The following HTR1F variants were observed in gnomAD, a reference collection of about 807,000 sequenced individuals.
The protein encoded by HTR1F is 5-hydroxytryptamine receptor 1F.
In HTR1F, 17 loss-of-function variants were observed where a neutral mutation model predicts 24.0. That is an observed-to-expected ratio of 0.71 (90% CI 0.48 to 1.06). The LOEUF is 1.06. Among genes scored for constraint, HTR1F ranks in the 50% least tolerant of loss-of-function variants. The pLI, the probability that HTR1F is intolerant of heterozygous loss-of-function variation, is 0.00. For missense variants in HTR1F, 391 were observed against 427.8 expected (o/e 0.91, Z 0.76); for synonymous variants, 186 against 156.8 (o/e 1.19, Z -1.39).
chr3:87,897,367 T>C (rs1301790203), intron 2 of HTR1F, among the ~76,000 whole-genome samples: 2 of 151,716 alleles, frequency 1.3e-5, no homozygotes, highest in East Asian at 1.9e-4. Context: ...TATTGCATGA[T>C]CTCATTTATA....
chr3:87,852,445 G>A (rs1705107147), intron 2 of HTR1F, among the ~76,000 whole-genome samples: 1 of 151,658 alleles, frequency 6.6e-6, no homozygotes, highest in Admixed American at 6.6e-5. Flanking sequence ...ATAATATGAA[G>A]TAGAGGTTCA....
At chr3:87,937,295 G>C (rs1704448525) in intron 2 of HTR1F, among the ~76,000 whole-genome samples, 1 of 152,092 alleles carries the variant, frequency 6.6e-6, no homozygotes, top group Non-Finnish European at 1.5e-5. Context: ...CTTCATCCCA[G>C]GGATGCAAGT....
chr3:87,900,236 CA>C (rs1337266124), intron 2 of HTR1F, among the ~76,000 whole-genome samples: 2 of 152,062 alleles, frequency 1.3e-5, no homozygotes, highest in African/African-American at 4.8e-5. Context: ...GATGGGATGC[CA>C]TTTAAACAAA....
At chr3:87,953,280 G>A (rs1704873610) in intron 2 of HTR1F, among the ~76,000 whole-genome samples, 2 of 151,498 alleles carry the variant, frequency 1.3e-5, no homozygotes. Flanking sequence ...TGTTGAATGG[G>A]AGAAAATGTT....
intron 2 of HTR1F, among the ~76,000 whole-genome samples, chr3:87,974,350 A>G (rs976627447): frequency 6.6e-6 from 1 of 152,252 alleles, no homozygotes; most frequent in African/African-American, 2.4e-5. Flanking sequence ...AATGCACGTT[A>G]AAGTAAGAGA....
rs1254648307 is a variant in HTR1F, at chr3:87,991,535, T to C, written c.786T>C (p.His262=). 2 of 1,613,894 alleles carry C rather than the reference T, an allele frequency of 1.2e-6. No individual in the cohort carries two copies. The highest frequency in any genetic ancestry group is 2.7e-5 in the African/African-American group (2 of 74,914). ...CATCAACAGACTTTGATAAAATTCA[T>C]AGCACAGTGAGAAGTCTCAGGTCTG... is the stretch of plus-strand genomic sequence containing the variant. ...SDPSTDFDKI[H]STVRSLRSEF... is the part of the protein sequence containing the mutation. The change falls in exon 3 of 3, where the codon CAT becomes CAC. Residue 262 remains histidine (H), a synonymous_variant. Coordinates refer to ENST00000319595, the MANE Select transcript of HTR1F (RefSeq NM_001322209.2).
chr3:87,887,523 T>C (rs1705977912), intron 2 of HTR1F, among the ~76,000 whole-genome samples: 1 of 152,030 alleles, frequency 6.6e-6, no homozygotes, highest in Admixed American at 6.6e-5. Context: ...GAAACTACCA[T>C]CAGAGTGAAC....
intron 2 of HTR1F, among the ~76,000 whole-genome samples, chr3:87,849,078 G>C (rs1705016256): frequency 2.0e-5 from 3 of 151,362 alleles, no homozygotes; most frequent in Admixed American, 1.3e-4. Context: ...AGCTACCAAT[G>C]ACTTTCTTCA....
intron 2 of HTR1F, among the ~76,000 whole-genome samples, chr3:87,858,570 A>G (rs1705249917): frequency 6.6e-6 from 1 of 152,130 alleles, no homozygotes. Context: ...GGACTAAAGT[A>G]CTATATTTAT....
chr3:87,847,561 A>G (rs1704973858), intron 2 of HTR1F, among the ~76,000 whole-genome samples: 1 of 151,798 alleles, frequency 6.6e-6, no homozygotes, highest in Admixed American at 6.6e-5. Context: ...CCTCTCTTCT[A>G]GTTACTTTGA....
At chr3:87,854,436 T>C (rs1164054896) in intron 2 of HTR1F, among the ~76,000 whole-genome samples, 1 of 152,004 alleles carries the variant, frequency 6.6e-6, no homozygotes, top group Non-Finnish European at 1.5e-5. Flanking sequence ...CTATCTTTAT[T>C]CCTAATACTT....
At chr3:87,967,995 A>G (rs1705203684) in intron 2 of HTR1F, among the ~76,000 whole-genome samples, 1 of 152,212 alleles carries the variant, frequency 6.6e-6, no homozygotes, top group South Asian at 2.1e-4. Flanking sequence ...AACTTCCTGT[A>G]GACTTGTTGA....
At position 87,892,436 on chromosome 3, in the gene HTR1F, C is replaced by G. The variant is rs111314956; in HGVS notation, c.-43+70312C>G. Among the ~76,000 whole-genome samples, 32 of 152,130 alleles carry G rather than the reference C, an allele frequency of 2.1e-4. 1 individual carries two copies. Among genetic ancestry groups the G allele is most frequent in the African/African-American group, 7.7e-4 (32 of 41,508 alleles). On this transcript the variant is annotated intron_variant, in intron 2 of 2. Coordinates refer to ENST00000319595, the MANE Select transcript of HTR1F (RefSeq NM_001322209.2). ...GTTATGTTTGTTTGCTTTACAATTA[C>G]CATAAAGGCGGCAAGACATAGTGGA...
intron 2 of HTR1F, among the ~76,000 whole-genome samples, chr3:87,969,058 C>A (rs1176003635): frequency 6.6e-6 from 1 of 152,240 alleles, no homozygotes; most frequent in Non-Finnish European, 1.5e-5. Flanking sequence ...GGTTTGGAAA[C>A]CTCCGCCTAG....
chr3:87,978,890 G>GAGGGAGGAAGGA (rs1250443484), intron 2 of HTR1F, among the ~76,000 whole-genome samples: 284 of 45,872 alleles, frequency 6.2e-3, no homozygotes, highest in East Asian at 0.023. Flanking sequence ...GGGAGGGAGG[G>GAGGGAGGAAGGA]AGGAAGGAAG....
At chr3:87,925,048 G>A (rs1236782702) in intron 2 of HTR1F, among the ~76,000 whole-genome samples, 1 of 150,598 alleles carries the variant, frequency 6.6e-6, no homozygotes, top group African/African-American at 2.4e-5. Context: ...AGTCCCAAAG[G>A]TTTTATTCAT....
chr3:87,905,095 G>A (rs1284996771), intron 2 of HTR1F, among the ~76,000 whole-genome samples: 2 of 151,752 alleles, frequency 1.3e-5, no homozygotes, highest in East Asian at 1.9e-4. Flanking sequence ...ATAGCTTGAC[G>A]CCAGGAGTTT....
At chr3:87,819,112 T>A (rs983470721) in intron 1 of HTR1F, among the ~76,000 whole-genome samples, 8 of 152,222 alleles carry the variant, frequency 5.3e-5, no homozygotes, top group Admixed American at 1.3e-4. Context: ...ATGTGCACAC[T>A]GTTTTACTTC....
At chr3:87,951,857 G>C (rs1559646657) in intron 2 of HTR1F, among the ~76,000 whole-genome samples, 1 of 152,012 alleles carries the variant, frequency 6.6e-6, no homozygotes, top group Non-Finnish European at 1.5e-5. Context: ...CTGGCAATCA[G>C]TGATCTTTGT....
Sources: allele counts gnomAD v4.1 joint callset (sites outside exome capture counted in the v4.1 genomes callset), GRCh38; gene constraint gnomAD v4.1.1; transcripts MANE v1.5; gene names NCBI Gene and HGNC (gene_info 2026-07-23, HGNC 2026-07-21).